DNAAF11: variants seen among roughly 807,000 people sequenced by gnomAD.
DNAAF11 encodes dynein axonemal assembly factor 11.
In DNAAF11, 45 loss-of-function variants were observed where a neutral mutation model predicts 60.8. The ratio of observed to expected loss-of-function variants is 0.74; its 90% CI spans 0.58 to 0.95. The LOEUF (loss-of-function observed/expected upper bound fraction) is 0.95. Ranked by LOEUF, DNAAF11 falls within the 40% of genes least tolerant of loss-of-function variation. The pLI is 0.00. For synonymous variants in DNAAF11, 191 were observed against 183.5 expected (o/e 1.04, Z -0.33); for missense variants, 546 against 546.2 (o/e 1.00, Z 0.00).
At position 132,626,197 on chromosome 8, in the gene DNAAF11, G is replaced by A. The variant is rs535932281; in HGVS notation, c.654-743C>T. ...CTCCTGAGTAGCTGGGACTACAGGC[G>A]CCTGCCACCACACCCGGCTAATTTT... On this transcript the variant is annotated intron_variant, in intron 5 of 11. Coordinates refer to ENST00000620350, the MANE Select transcript of DNAAF11 (RefSeq NM_012472.6). Among the ~76,000 whole-genome samples the A allele has an allele frequency of 3.1e-3, 466 of 151,918 alleles. 3 individuals are homozygous for A. The highest frequency in any genetic ancestry group is 0.017 in the Middle Eastern group (5 of 292).
At chr8:132,647,226 A>G (rs1822486707) in intron 3 of DNAAF11, among the ~76,000 whole-genome samples, 2 of 152,252 alleles carry the variant, frequency 1.3e-5, no homozygotes, top group African/African-American at 4.8e-5. Context: ...AAACTGAACA[A>G]CCTGCTCCTG....
chr8:132,689,987 A>T, the DNAAF11 span, among the ~76,000 whole-genome samples: 1 of 152,190 alleles, frequency 6.6e-6, no homozygotes, highest in Admixed American at 6.5e-5. Flanking sequence ...AAGGGCTGGG[A>T]TTACAGGCAT....
chr8:132,587,726 A>G (rs1421007012), intron 10 of DNAAF11, among the ~76,000 whole-genome samples: 2 of 152,238 alleles, frequency 1.3e-5, no homozygotes, highest in African/African-American at 4.8e-5. Context: ...GAGAAATGTA[A>G]TCAACTACTT....
intron 6 of DNAAF11, among the ~76,000 whole-genome samples, chr8:132,623,006 A>G (rs1819912417): frequency 6.6e-6 from 1 of 152,196 alleles, no homozygotes; most frequent in Non-Finnish European, 1.5e-5. Context: ...AAGTAAGTCT[A>G]TTTTATACAT....
chr8:132,673,068 G>A (rs1467587778), intron 1 of DNAAF11, among the ~76,000 whole-genome samples: 1 of 152,148 alleles, frequency 6.6e-6, no homozygotes, highest in Non-Finnish European at 1.5e-5. Context: ...GGAAGCACGG[G>A]GGAGAGAGAA....
At chr8:132,598,598 G>C (rs929058618) in intron 10 of DNAAF11, among the ~76,000 whole-genome samples, 1 of 152,264 alleles carries the variant, frequency 6.6e-6, no homozygotes, top group African/African-American at 2.4e-5. Flanking sequence ...CCAGACTGAA[G>C]GTATATAAAA....
chr8:132,669,317 T>C lies in DNAAF11; in HGVS notation c.10+6167A>G, dbSNP rs111542668. Among the ~76,000 whole-genome samples, 537 of 152,324 alleles carry C rather than the reference T, an allele frequency of 3.5e-3. 2 individuals are homozygous for C. Among genetic ancestry groups the C allele is most frequent in the African/African-American group, 0.012 (505 of 41,576 alleles). Reference sequence around the variant, plus strand: ...GGAGTCAGACTACATGTTGTCACAGTGGCAAGGACACTGTTATTCCTGGTA... The same window carrying C: ...GGAGTCAGACTACATGTTGTCACAGCGGCAAGGACACTGTTATTCCTGGTA... On this transcript the variant is annotated intron_variant, in intron 1 of 11. Transcript: ENST00000620350.
chr8:132,577,586 G>C (rs1009494244), intron 11 of DNAAF11, among the ~76,000 whole-genome samples: 2 of 152,216 alleles, frequency 1.3e-5, no homozygotes, highest in African/African-American at 4.8e-5. Context: ...TTATCATTTA[G>C]TATAGTTACT....
In DNAAF11 at chr8:132,571,213, A is replaced by C. The variant is rs552183322; in HGVS notation, c.*1093T>G. On this transcript the variant is annotated 3_prime_UTR_variant, in exon 12 of 12. Coordinates refer to ENST00000620350, the MANE Select transcript of DNAAF11 (RefSeq NM_012472.6). ...CTCTGACTCTCCTTCACAGCTCTGA[A>C]CACCACCTGACATAGTCTGTGTGTA... is the stretch of plus-strand genomic sequence containing the variant. Among the ~76,000 whole-genome samples the C allele has an allele frequency of 8.5e-4, 129 of 152,318 alleles. No individual in the cohort carries two copies. The highest frequency in any genetic ancestry group is 3.0e-3 in the African/African-American group (123 of 41,572).
intron 5 of DNAAF11, among the ~76,000 whole-genome samples, chr8:132,628,650 C>T (rs1033732062): frequency 3.9e-5 from 6 of 152,118 alleles, no homozygotes; most frequent in African/African-American, 1.4e-4. Context: ...TAACCTCCTA[C>T]TCCTCCCCAA....
chr8:132,655,701 A>T (rs953637611), intron 3 of DNAAF11, among the ~76,000 whole-genome samples: 2 of 152,080 alleles, frequency 1.3e-5, no homozygotes, highest in African/African-American at 4.8e-5. Context: ...AGTGGCCAGT[A>T]AGCACATAAA....
At chr8:132,695,469 A>T in the DNAAF11 span, among the ~76,000 whole-genome samples, 1 of 152,192 alleles carries the variant, frequency 6.6e-6, no homozygotes, top group Non-Finnish European at 1.5e-5. Flanking sequence ...AAGGCAGAGT[A>T]GGAACAGATG....
At position 132,572,282 on chromosome 8, in the gene DNAAF11, C is replaced by A. The variant is rs754849896; in HGVS notation, c.*24G>T. 1 of 1,605,714 alleles carries A rather than the reference C, an allele frequency of 6.2e-7. No homozygotes were observed. Among genetic ancestry groups the A allele is most frequent in the East Asian group, 2.2e-5 (1 of 44,786 alleles). On this transcript the variant is annotated 3_prime_UTR_variant, in exon 12 of 12. Coordinates refer to ENST00000620350, the MANE Select transcript of DNAAF11 (RefSeq NM_012472.6). ...CAAAACTGGACCTGGTGGGTCTCAG[C>A]CAATGGCAACGCAGCCAGATGTTTC...
At chr8:132,669,900 C>A (rs1268063658) in intron 1 of DNAAF11, among the ~76,000 whole-genome samples, 1 of 143,086 alleles carries the variant, frequency 7.0e-6, no homozygotes, top group African/African-American at 2.6e-5. Context: ...GAGATCGTGC[C>A]ACTGCACTCC....
the DNAAF11 span, chr8:132,687,506 C>T: frequency 2.4e-6 from 1 of 419,636 alleles, no homozygotes; most frequent in Non-Finnish European, 4.8e-6. Flanking sequence ...CAAGGGTTGC[C>T]TCATCTCATC....
chr8:132,637,604 CA>C (rs879660153), intron 4 of DNAAF11, among the ~76,000 whole-genome samples: 1,269 of 99,792 alleles, frequency 0.013, 19 homozygotes, highest in African/African-American at 0.032. Flanking sequence ...GACTCCATCT[CA>C]AAAAAAAAAA....
the DNAAF11 span, chr8:132,702,169 T>C: frequency 6.6e-6 from 1 of 152,234 alleles, no homozygotes; most frequent in Non-Finnish European, 1.5e-5. Context: ...GTCTTCTCTA[T>C]GACAATAAAG....
At position 132,576,779 on chromosome 8, in the gene DNAAF11, TA is replaced by T. The variant is rs775937357; in HGVS notation, c.1227-4300del. On this transcript the variant is annotated intron_variant, in intron 11 of 11. Transcript: ENST00000620350. The stretch of plus-strand genomic sequence containing the variant: ...CAAGTCTGGTCCTAAGCATTTTGGA[TA>T]AGGGATACTCAACCTGTATGTTCAC... Among the ~76,000 whole-genome samples the T allele has an allele frequency of 3.0e-4, 45 of 150,270 alleles. 1 individual carries two copies. The highest frequency in any genetic ancestry group is 4.9e-4 in the Non-Finnish European group (33 of 67,906).
chr8:132,689,331 G>A, the DNAAF11 span, among the ~76,000 whole-genome samples: 88,458 of 152,054 alleles, frequency 0.58, 28,091 homozygotes, highest in African/African-American at 0.86. Flanking sequence ...GAGATGGGGG[G>A]AACTAGAGTT....
Sources: allele counts gnomAD v4.1 joint callset (sites outside exome capture counted in the v4.1 genomes callset), GRCh38; gene constraint gnomAD v4.1.1; transcripts MANE v1.5; gene names NCBI Gene and HGNC (gene_info 2026-07-23, HGNC 2026-07-21).